ODC1: variants seen among roughly 807,000 people sequenced by gnomAD.
ODC1 encodes the protein ornithine decarboxylase.
In ODC1, 18 loss-of-function variants were observed where a neutral mutation model predicts 41.5. The observed-to-expected ratio is 0.43, with a 90% CI of 0.30 to 0.64. The LOEUF is 0.64. Ranked by LOEUF, ODC1 falls within the 30% of genes least tolerant of loss-of-function variation. The pLI, the probability that ODC1 is intolerant of heterozygous loss-of-function variation, is 0.11. For synonymous variants in ODC1, 218 were observed against 211.6 expected (o/e 1.03, Z -0.26); for missense variants, 504 against 589.0 (o/e 0.86, Z 1.49).
At chr2:10,442,960 AC>A (rs1168147095) in intron 8 of ODC1, among the ~76,000 whole-genome samples, 1 of 152,068 alleles carries the variant, frequency 6.6e-6, no homozygotes, top group Non-Finnish European at 1.5e-5. Context: ...TGATCCTACC[AC>A]CTTGGCCTCC....
chr2:10,447,800 G>C (rs1672079349), intron 1 of ODC1: 2 of 152,292 alleles, frequency 1.3e-5, no homozygotes, highest in Admixed American at 6.5e-5. Context: ...ACGGCTCCCC[G>C]GCCAGCGCGC....
At chr2:10,446,024 C>G (rs764493252) in intron 1 of ODC1, among the ~76,000 whole-genome samples, 1 of 152,044 alleles carries the variant, frequency 6.6e-6, no homozygotes, top group Non-Finnish European at 1.5e-5. Flanking sequence ...TGAGATTTTA[C>G]GAGTTAATTT....
In ODC1 at chr2:10,448,315, A is replaced by C. The variant is rs1231928908; in HGVS notation, c.-322T>G. Reference sequence around the variant, plus strand: ...GGCGGGCGGCGGCGGCGGCGGCTACAGGAGGGACTGACAAAGCCCCACGGC... The same window carrying C: ...GGCGGGCGGCGGCGGCGGCGGCTACCGGAGGGACTGACAAAGCCCCACGGC... On this transcript the variant is annotated 5_prime_UTR_variant, in exon 1 of 12. Coordinates refer to ENST00000234111, the MANE Select transcript of ODC1 (RefSeq NM_002539.3). 5 of 257,444 alleles carry C rather than the reference A, an allele frequency of 1.9e-5. No individual in the cohort carries two copies. The highest frequency in any genetic ancestry group is 3.7e-5 in the Non-Finnish European group (5 of 136,000). 15.9% of individuals were successfully genotyped at this position (257,444 alleles called of 1,614,324 possible).
intron 8 of ODC1, among the ~76,000 whole-genome samples, chr2:10,442,936 CTCCT>C (rs996196918): frequency 2.6e-5 from 4 of 152,152 alleles, no homozygotes; most frequent in African/African-American, 7.2e-5. Context: ...TGGTCTCAAA[CTCCT>C]GGGCTCAAGT....
Position 10,443,336 on chromosome 2 carries a change from G to A in ODC1, c.667-23C>T, listed in dbSNP as rs772853982. The A allele has an allele frequency of 8.1e-6, 13 of 1,603,854 alleles. No homozygotes were observed. The South Asian group carries it at 1.1e-4, about 14-fold the overall frequency. On this transcript the variant is annotated intron_variant, in intron 7 of 11. Coordinates refer to ENST00000234111, the MANE Select transcript of ODC1 (RefSeq NM_002539.3). ...AGCCTAGAATCAAGAAAATAAGTCAGCCAGATCCACAGCTAATAACAAAAA... is the reference window on the plus strand; with the variant it reads ...AGCCTAGAATCAAGAAAATAAGTCAACCAGATCCACAGCTAATAACAAAAA...
At chr2:10,446,046 C>G (rs1183369413) in intron 1 of ODC1, among the ~76,000 whole-genome samples, 1 of 152,004 alleles carries the variant, frequency 6.6e-6, no homozygotes, top group Non-Finnish European at 1.5e-5. Context: ...CATGTATTAG[C>G]TGGGTATATA....
At chr2:10,443,935 A>G (rs963647189) in intron 5 of ODC1, 99 bp from the exon 6 acceptor site, 8 of 1,540,090 alleles carry the variant, frequency 5.2e-6, no homozygotes, top group Non-Finnish European at 7.1e-6. Flanking sequence ...TGTCGCTGAT[A>G]TATTCTGTAG....
intron 4 of ODC1, 54 bp downstream of exon 4, chr2:10,444,420 G>A: frequency 1.2e-5 from 18 of 1,540,480 alleles, no homozygotes; most frequent in Non-Finnish European, 1.4e-5. Context: ...TGCCTCGTGG[G>A]GAATACCAGG....
intron 1 of ODC1, 200 bp downstream of exon 1, chr2:10,447,921 C>T (rs979637939): frequency 3.3e-5 from 5 of 152,224 alleles, no homozygotes; most frequent in Admixed American, 6.5e-5. Context: ...GAACGAGGCG[C>T]CCGGATCACC....
chr2:10,440,095 A>G lies in ODC1; in HGVS notation c.*629T>C, dbSNP rs1671771623. 6.6e-6 allele frequency: 1 copy of G among 152,354 alleles called. No homozygotes were observed. Among genetic ancestry groups the G allele is most frequent in the African/African-American group, 2.4e-5 (1 of 41,466 alleles). 9.4% of individuals were successfully genotyped at this position (152,354 alleles called of 1,614,324 possible). A position where few individuals can be genotyped will look rare whatever the true frequency, so the allele number is the denominator to read the frequency against. ...GGATGGTCTCTGCAGGCCAGGCTCA[A>G]AGGGCCTCCCACACCTTCCCTGGGC... On this transcript the variant is annotated 3_prime_UTR_variant, in exon 12 of 12. Transcript: ENST00000234111.
rs1484237029 is a variant in ODC1, at chr2:10,448,319, G to A, written c.-326C>T. 3 of 265,426 alleles carry A rather than the reference G, an allele frequency of 1.1e-5. 1 individual carries two copies. Among genetic ancestry groups the A allele is most frequent in the African/African-American group, 2.3e-5 (1 of 43,764 alleles). The allele number at this position is 265,426 out of a possible 1,614,324, so 16.4% of individuals were successfully genotyped here. ...GGCGGCGGCGGCGGCGGCTACAGGA[G>A]GGACTGACAAAGCCCCACGGCACGC... On this transcript the variant is annotated 5_prime_UTR_variant, in exon 1 of 12. Transcript: ENST00000234111.
chr2:10,443,541 A>G lies in ODC1; in HGVS notation c.615T>C (p.Pro205=), dbSNP rs1435343769. 2.5e-6 allele frequency: 4 copies of G among 1,614,026 alleles called. No individual in the cohort carries two copies. The highest frequency in any genetic ancestry group is 2.2e-5 in the East Asian group (1 of 44,888). Residue 205 remains proline (P), a synonymous_variant, in exon 7 of 12, where the codon CCT becomes CCC. Coordinates refer to ENST00000234111, the MANE Select transcript of ODC1 (RefSeq NM_002539.3). Reference sequence around the variant, plus strand: ...CAGAGATTGCCTGCACGAAGGTCTCAGGATCGGTACAGCCGCTTCCTACAT... The same window carrying G: ...CAGAGATTGCCTGCACGAAGGTCTCGGGATCGGTACAGCCGCTTCCTACAT... ...SFHVGSGCTD[P]ETFVQAISDA... is the part of the protein sequence containing the mutation.
rs200293974 is a variant in ODC1, at chr2:10,444,119, A to G, written c.425T>C (p.Val142Ala). Residue 142 changes from valine (V) to alanine (A), a missense_variant, in exon 5 of 12, where the codon GTT becomes GCT. Val to Ala is a moderately conservative substitution (Grantham distance 64). Coordinates refer to ENST00000234111, the MANE Select transcript of ODC1 (RefSeq NM_002539.3). ...TFDSEVELMK[V>A]ARAHPKAKLV... ...CTTTGCTTTGGGATGTGCTCTGGCA[A>G]CTTTCATCAACTCAACTTCACTATC... is the stretch of plus-strand genomic sequence containing the variant. 48 of 1,605,526 alleles carry G rather than the reference A, an allele frequency of 3.0e-5. No individual in the cohort carries two copies. Among genetic ancestry groups the G allele is most frequent in the Non-Finnish European group, 3.9e-5 (46 of 1,176,628 alleles).
intron 1 of ODC1, chr2:10,447,717 C>T (rs1672073832): frequency 6.6e-6 from 1 of 152,306 alleles, no homozygotes; most frequent in Non-Finnish European, 1.5e-5. Flanking sequence ...AGGCCGGGGC[C>T]CGCTCGTCTG....
At chr2:10,444,730 G>T in intron 3 of ODC1, 83 bp from the exon 4 acceptor site, 1 of 1,237,270 alleles carries the variant, frequency 8.1e-7, no homozygotes, top group Non-Finnish European at 1.2e-6. Flanking sequence ...ATTCCCATCA[G>T]TCACAATGAA....
At chr2:10,446,713 C>T in intron 1 of ODC1, 1 of 444,852 alleles carries the variant, frequency 2.2e-6, no homozygotes. Flanking sequence ...TTCTTCTTTT[C>T]CACTGTGCAA....
Position 10,445,039 on chromosome 2 carries a change from T to C in ODC1, c.-7A>G, listed in dbSNP as rs746815292. The C allele has an allele frequency of 1.3e-6, 2 of 1,583,568 alleles. No homozygotes were observed. Among genetic ancestry groups the C allele is most frequent in the Non-Finnish European group, 1.7e-6 (2 of 1,152,236 alleles). ...CATTACCAAAGTTGTTCATGATTTC[T>C]TGATGTTCCTCTGAAATGCAACAAA... On this transcript the variant is annotated 5_prime_UTR_variant, in exon 3 of 12. Transcript: ENST00000234111.
intron 7 of ODC1, 82 bp downstream of exon 7, chr2:10,443,408 C>A (rs2148068966): frequency 6.4e-7 from 1 of 1,553,466 alleles, no homozygotes; most frequent in Non-Finnish European, 8.9e-7. Context: ...GAACCAACTG[C>A]CATAAAAAGT....
Position 10,445,172 on chromosome 2 carries a change from G to T in ODC1, c.-35C>A. On this transcript the variant is annotated 5_prime_UTR_variant, in exon 2 of 12. Coordinates refer to ENST00000234111, the MANE Select transcript of ODC1 (RefSeq NM_002539.3). The stretch of plus-strand genomic sequence containing the variant: ...ATACTTACATGGAAAACTAAGAGAT[G>T]GAATTGAAAGAAATATTTCCAGCTT... 1 of 594,894 alleles carries T rather than the reference G, an allele frequency of 1.7e-6. No homozygotes were observed. 36.9% of individuals were successfully genotyped at this position (594,894 alleles called of 1,614,324 possible).
Sources: allele counts gnomAD v4.1 joint callset (sites outside exome capture counted in the v4.1 genomes callset), GRCh38; gene constraint gnomAD v4.1.1; transcripts MANE v1.5; gene names NCBI Gene and HGNC (gene_info 2026-07-23, HGNC 2026-07-21).